The following GRIP1 variants were observed in gnomAD, a reference collection of about 807,000 sequenced individuals.
The protein encoded by GRIP1 is glutamate receptor-interacting protein 1.
A neutral mutation model predicts 129.9 loss-of-function variants in GRIP1; 45 were observed. That is an observed-to-expected ratio of 0.35 (90% CI 0.27 to 0.44). GRIP1 has a LOEUF of 0.44. Ranked by LOEUF, GRIP1 falls within the 20% of genes least tolerant of loss-of-function variation. GRIP1 has a pLI of 1.00. For missense variants in GRIP1, 1,196 were observed against 1,396.8 expected, an observed-to-expected ratio of 0.86 and a Z score of 2.29; for synonymous variants, 530 against 520.8, an observed-to-expected ratio of 1.02 and a Z score of -0.24.
chr12:66,665,288 G>A lies in GRIP1; in HGVS notation c.55+13562C>T, dbSNP rs531229442. 1.8e-4 allele frequency among the ~76,000 whole-genome samples: 28 copies of A among 152,284 alleles called. No homozygotes were observed. The South Asian group carries it at 1.9e-3, about 10-fold the overall frequency. On this transcript the variant is annotated intron_variant, in intron 1 of 24. Transcript: ENST00000359742. The stretch of plus-strand genomic sequence containing the variant: ...CTCCTAAAATGCTGAGGTTACAGGC[G>A]TGAGCTAACACAACCAACCAAAATA...
intron 1 of GRIP1, among the ~76,000 whole-genome samples, chr12:66,890,366 T>C (rs991131826): frequency 6.6e-6 from 1 of 152,246 alleles, no homozygotes; most frequent in African/African-American, 2.4e-5. Context: ...AATCTAAGCT[T>C]AATCTTATTG....
intron 1 of GRIP1, among the ~76,000 whole-genome samples, chr12:66,894,074 A>G (rs1009582543): frequency 1.3e-5 from 2 of 152,140 alleles, no homozygotes; most frequent in Non-Finnish European, 1.5e-5. Flanking sequence ...TGGAATGCTC[A>G]TCCCTCAAAA....
intron 1 of GRIP1, among the ~76,000 whole-genome samples, chr12:66,732,350 A>C (rs959077573): frequency 6.6e-6 from 1 of 152,140 alleles, no homozygotes; most frequent in Non-Finnish European, 1.5e-5. Flanking sequence ...ACAGGAGTTC[A>C]AGACCAGCCT....
At chr12:66,888,059 T>G (rs754206039) in intron 1 of GRIP1, among the ~76,000 whole-genome samples, 1 of 152,106 alleles carries the variant, frequency 6.6e-6, no homozygotes, top group African/African-American at 2.4e-5. Flanking sequence ...CATTTTTATT[T>G]TATTTTATTT....
At chr12:66,351,838 G>A (rs576943843) in intron 24 of GRIP1, among the ~76,000 whole-genome samples, 1 of 152,266 alleles carries the variant, frequency 6.6e-6, no homozygotes, top group Non-Finnish European at 1.5e-5. Flanking sequence ...AAAACACACC[G>A]ATGCCGTATC....
At chr12:66,539,556 T>G (rs1198207554) in intron 3 of GRIP1, among the ~76,000 whole-genome samples, 1 of 146,440 alleles carries the variant, frequency 6.8e-6, no homozygotes, top group East Asian at 2.0e-4. Flanking sequence ...TTTTTTTTTT[T>G]TTTTTTTTTT....
At chr12:66,441,658 C>G (rs527712138) in intron 13 of GRIP1, among the ~76,000 whole-genome samples, 63 of 152,314 alleles carry the variant, frequency 4.1e-4, no homozygotes, top group African/African-American at 1.4e-3. Flanking sequence ...TTTCAATGAT[C>G]TGAAAATAGT....
At chr12:66,623,200 A>C (rs908744893) in intron 1 of GRIP1, among the ~76,000 whole-genome samples, 1 of 152,196 alleles carries the variant, frequency 6.6e-6, no homozygotes, top group Non-Finnish European at 1.5e-5. Flanking sequence ...ATTTAGAGAT[A>C]TAGCCTAAGT....
chr12:66,913,267 C>A (rs1174979373), intron 1 of GRIP1, among the ~76,000 whole-genome samples: 1 of 152,220 alleles, frequency 6.6e-6, no homozygotes, highest in Non-Finnish European at 1.5e-5. Context: ...CCAAAGTAGG[C>A]ACAGCATGTG....
At chr12:66,646,689 C>T (rs1370387901) in intron 1 of GRIP1, among the ~76,000 whole-genome samples, 4 of 152,184 alleles carry the variant, frequency 2.6e-5, no homozygotes, top group African/African-American at 4.8e-5. Context: ...TCCATTATCA[C>T]ATTCTAGTTT....
At chr12:66,788,727 G>A (rs1289500500) in intron 1 of GRIP1, among the ~76,000 whole-genome samples, 1 of 151,992 alleles carries the variant, frequency 6.6e-6, no homozygotes, top group African/African-American at 2.4e-5. Context: ...TCTAGAACTT[G>A]GATCCTGCCT....
chr12:67,013,939 A>G lies in GRIP1; in HGVS notation c.58+55111T>C, dbSNP rs79643607. On this transcript the variant is annotated intron_variant, in intron 1 of 1. Transcript: ENST00000643019. ...AGTTTGTCCAATCAGCGCAAGCTCA[A>G]GATTTCTACTAAGAATTCTGGGACA... 4.9e-3 allele frequency among the ~76,000 whole-genome samples: 739 copies of G among 152,330 alleles called. 10 individuals carry two copies. The highest frequency in any genetic ancestry group is 0.016 in the African/African-American group (681 of 41,584).
chr12:66,917,583 C>T (rs1252626935), intron 1 of GRIP1, among the ~76,000 whole-genome samples: 2 of 152,028 alleles, frequency 1.3e-5, no homozygotes, highest in Non-Finnish European at 2.9e-5. Context: ...AAATAATTTC[C>T]TTTTATCACA....
At chr12:66,612,771 C>T (rs1365335293) in intron 1 of GRIP1, among the ~76,000 whole-genome samples, 2 of 152,172 alleles carry the variant, frequency 1.3e-5, no homozygotes, top group African/African-American at 4.8e-5. Flanking sequence ...TGTTATGCAG[C>T]ATACCACTGT....
intron 1 of GRIP1, among the ~76,000 whole-genome samples, chr12:67,058,569 T>G (rs1410597532): frequency 1.3e-5 from 2 of 152,224 alleles, no homozygotes; most frequent in Non-Finnish European, 2.9e-5. Flanking sequence ...TGTCGGTTCT[T>G]GTGTTCATAC....
At chr12:66,967,532 A>G (rs1438948893) in intron 1 of GRIP1, among the ~76,000 whole-genome samples, 1 of 152,232 alleles carries the variant, frequency 6.6e-6, no homozygotes, top group East Asian at 1.9e-4. Context: ...TTATATTTTA[A>G]ATTTTATTTT....
At chr12:66,703,027 T>C (rs2035404217) in intron 1 of GRIP1, among the ~76,000 whole-genome samples, 1 of 152,158 alleles carries the variant, frequency 6.6e-6, no homozygotes, top group Non-Finnish European at 1.5e-5. Context: ...GACATGTAAG[T>C]CACTGCAGTG....
chr12:66,887,176 C>CT (rs2040580032), intron 1 of GRIP1, among the ~76,000 whole-genome samples: 1 of 152,228 alleles, frequency 6.6e-6, no homozygotes, highest in South Asian at 2.1e-4. Flanking sequence ...ACTTCGCCTT[C>CT]TGGCTTTGCC....
intron 19 of GRIP1, among the ~76,000 whole-genome samples, chr12:66,389,798 A>C (rs2056508572): frequency 6.6e-6 from 1 of 152,148 alleles, no homozygotes. Flanking sequence ...TCCTTTCTGA[A>C]TGTTACACTT....
Sources: gnomAD v4.1 joint callset for allele counts (sites outside exome capture counted in the v4.1 genomes callset) on GRCh38, gnomAD v4.1.1 for gene constraint, MANE v1.5 for transcripts, NCBI Gene and HGNC (gene_info 2026-07-23, HGNC 2026-07-21) for gene names.